CLNK: variants seen among roughly 807,000 people sequenced by gnomAD.
CLNK encodes cytokine dependent hematopoietic cell linker.
In CLNK, 74 loss-of-function variants were observed where a neutral mutation model predicts 68.6. The ratio of observed to expected loss-of-function variants is 1.08; its 90% CI spans 0.89 to 1.31. The LOEUF is 1.31. Among genes scored for constraint, CLNK ranks in the 50% most tolerant of loss-of-function variants. The probability of loss-of-function intolerance (pLI) is 0.00; values close to 1 mark genes in which losing one functional copy is unlikely to be tolerated. For missense variants in CLNK, 553 were observed against 515.3 expected (o/e 1.07, Z -0.71); for synonymous variants, 198 against 172.2 (o/e 1.15, Z -1.17).
the CLNK span, among the ~76,000 whole-genome samples, chr4:10,711,671 G>T: frequency 1.3e-5 from 2 of 152,268 alleles, no homozygotes; most frequent in Non-Finnish European, 2.9e-5. Context: ...CCAACTCAGG[G>T]CAGCTGGCTT....
At chr4:10,538,089 C>A (rs951296623) in intron 11 of CLNK, among the ~76,000 whole-genome samples, 2 of 151,806 alleles carry the variant, frequency 1.3e-5, no homozygotes, top group African/African-American at 4.8e-5. Flanking sequence ...CACTGAACAA[C>A]CTCATCATCT....
At chr4:10,587,807 C>G (rs890232377) in intron 3 of CLNK, among the ~76,000 whole-genome samples, 24 of 152,164 alleles carry the variant, frequency 1.6e-4, no homozygotes, top group Non-Finnish European at 2.6e-4. Flanking sequence ...ATCTGCCTCC[C>G]CGGTCCCTAC....
upstream of CLNK, among the ~76,000 whole-genome samples, chr4:10,685,840 C>T (rs1725251198): frequency 6.6e-6 from 1 of 152,150 alleles, no homozygotes; most frequent in African/African-American, 2.4e-5. Context: ...AAACTGAAGA[C>T]TAGGGAGACT....
intron 2 of CLNK, among the ~76,000 whole-genome samples, chr4:10,603,858 C>G (rs1004070132): frequency 5.3e-5 from 8 of 152,190 alleles, no homozygotes; most frequent in Non-Finnish European, 7.3e-5. Context: ...GAGTGTAGTA[C>G]AAGATCATCT....
chr4:10,513,349 G>C, intron 16 of CLNK, 115 bp downstream of exon 16: 1 of 943,062 alleles, frequency 1.1e-6, no homozygotes, highest in Non-Finnish European at 1.6e-6. Context: ...CATATAGCCA[G>C]AAGGGAAAAA....
rs368705178 is a variant in CLNK, at chr4:10,558,429, G to T, written c.423C>A (p.Asp141Glu). ...TACCTTTAATGTTTTGGCTTCTGAC[G>T]TCCTTGGAAATGGGTTTGTCCACCT... Reference protein sequence around the residue: ...LERVDKPISKDVRSQNIKGDA... With the variant: ...LERVDKPISKEVRSQNIKGDA... The change falls in exon 8 of 19, where the codon GAC (aspartate) becomes GAA (glutamate). Residue 141 changes from aspartate to glutamate, a missense_variant. Asp to Glu is a conservative substitution (Grantham distance 45). Coordinates refer to ENST00000226951, the MANE Select transcript of CLNK (RefSeq NM_052964.4). 2 of 1,613,666 alleles carry T rather than the reference G, an allele frequency of 1.2e-6. No individual in the cohort carries two copies. The highest frequency in any genetic ancestry group is 2.2e-5 in the South Asian group (2 of 91,034).
At chr4:10,686,592 T>C (rs530805863), upstream of CLNK, among the ~76,000 whole-genome samples, 1 of 150,358 alleles carries the variant, frequency 6.7e-6, no homozygotes, top group East Asian at 2.0e-4. Context: ...GAGGGGAAAC[T>C]CCAGCCTCCA....
chr4:10,652,364 A>G (rs1478542292), intron 2 of CLNK, among the ~76,000 whole-genome samples: 5 of 135,384 alleles, frequency 3.7e-5, no homozygotes, highest in Non-Finnish European at 6.2e-5. Flanking sequence ...CCTGGGTGAC[A>G]GAGCAAGACT....
intron 2 of CLNK, among the ~76,000 whole-genome samples, chr4:10,612,233 C>A (rs2108854892): frequency 6.6e-6 from 1 of 152,280 alleles, no homozygotes; most frequent in South Asian, 2.1e-4. Flanking sequence ...GGGCCCCGCC[C>A]ACAGGAAGAG....
At chr4:10,614,649 T>C (rs575995597) in intron 2 of CLNK, among the ~76,000 whole-genome samples, 2 of 152,194 alleles carry the variant, frequency 1.3e-5, no homozygotes, top group Non-Finnish European at 2.9e-5. Context: ...TGCATTGTAA[T>C]AAGAGGCCAC....
chr4:10,671,595 A>G (rs1444788771), intron 1 of CLNK, among the ~76,000 whole-genome samples: 1 of 152,178 alleles, frequency 6.6e-6, no homozygotes, highest in African/African-American at 2.4e-5. Context: ...TCAGTCAGAA[A>G]GAGTCTTATG....
chr4:10,566,712 G>A (rs67713662), intron 5 of CLNK, among the ~76,000 whole-genome samples: 42,582 of 152,004 alleles, frequency 0.28, 7,495 homozygotes, highest in Non-Finnish European at 0.39. Context: ...GGCTAGGTGC[G>A]GTGGCTCATG....
chr4:10,684,268 G>A (rs1725188763), intron 1 of CLNK, among the ~76,000 whole-genome samples: 1 of 152,240 alleles, frequency 6.6e-6, no homozygotes, highest in South Asian at 2.1e-4. Context: ...GGCTCCAGGA[G>A]TTAACTTATA....
intron 1 of CLNK, among the ~76,000 whole-genome samples, chr4:10,678,477 A>G (rs568640810): frequency 6.6e-6 from 1 of 152,186 alleles, no homozygotes; most frequent in African/African-American, 2.4e-5. Context: ...AAATCTTAAT[A>G]TTTTCAGAGG....
the CLNK span, among the ~76,000 whole-genome samples, chr4:10,718,437 CAGT>C: frequency 6.6e-6 from 1 of 151,912 alleles, no homozygotes; most frequent in African/African-American, 2.4e-5. Context: ...CGTTGATTGG[CAGT>C]GAATTTCTCA....
At chr4:10,599,607 A>AC (rs1185269447) in intron 2 of CLNK, among the ~76,000 whole-genome samples, 3 of 152,002 alleles carry the variant, frequency 2.0e-5, no homozygotes, top group Non-Finnish European at 4.4e-5. Flanking sequence ...CTAATTGGTT[A>AC]TTTCCCAGCA....
intron 2 of CLNK, among the ~76,000 whole-genome samples, chr4:10,650,029 C>T (rs1156340677): frequency 6.6e-6 from 1 of 151,820 alleles, no homozygotes; most frequent in African/African-American, 2.4e-5. Flanking sequence ...ACAAAGTGTA[C>T]ATATTATGTT....
chr4:10,731,264 A>G, the CLNK span, among the ~76,000 whole-genome samples: 3 of 152,220 alleles, frequency 2.0e-5, no homozygotes, highest in Non-Finnish European at 2.9e-5. Context: ...AGAATTATTT[A>G]CTTCTCATCA....
chr4:10,648,491 C>T (rs1403115681), intron 2 of CLNK, among the ~76,000 whole-genome samples: 3 of 152,178 alleles, frequency 2.0e-5, no homozygotes, highest in African/African-American at 7.2e-5. Context: ...AAGGCTTAAT[C>T]TCTTCTCACA....
Sources: allele counts gnomAD v4.1 joint callset (sites outside exome capture counted in the v4.1 genomes callset), GRCh38; gene constraint gnomAD v4.1.1; transcripts MANE v1.5; gene names NCBI Gene and HGNC (gene_info 2026-07-23, HGNC 2026-07-21).